Variants in ARMC8 observed in about 807,000 individuals in gnomAD.
ARMC8 encodes the protein armadillo repeat-containing protein 8.
Under a neutral mutation model 99.3 loss-of-function variants are expected in ARMC8, and 20 were observed. The observed-to-expected ratio is 0.20, with a 90% CI of 0.14 to 0.29. ARMC8 has a LOEUF of 0.29. ARMC8 is among the 10% of genes least tolerant of loss of function. The probability of loss-of-function intolerance (pLI) is 1.00; values close to 1 mark genes in which losing one functional copy is unlikely to be tolerated. For synonymous variants in ARMC8, 263 were observed against 278.3 expected (o/e 0.95, Z 0.55); for missense variants, 569 against 809.5 (o/e 0.70, Z 3.60).
chr3:138,223,830 TA>T (rs1559948556), intron 5 of ARMC8, 97 bp downstream of exon 5: 1 of 1,064,914 alleles, frequency 9.4e-7, no homozygotes, highest in South Asian at 1.3e-5. Flanking sequence ...CTGTGTTATG[TA>T]AAAAAGTCTC....
rs537593472 is a variant in ARMC8, at chr3:138,266,532, ATT to A, written c.1300-622_1300-621del. ...ATTTCCCTGCTACGGTACTTCCCTTATTATTCACTATATCACATTTAATCCTA... is the reference window on the plus strand; with the variant it reads ...ATTTCCCTGCTACGGTACTTCCCTTAATTCACTATATCACATTTAATCCTA... On this transcript the variant is annotated intron_variant, in intron 14 of 21. Transcript: ENST00000469044. Among the ~76,000 whole-genome samples the A allele has an allele frequency of 1.5e-3, 223 of 152,238 alleles. 1 individual carries two copies. Among genetic ancestry groups the A allele is most frequent in the African/African-American group, 5.1e-3 (210 of 41,540 alleles).
chr3:138,289,979 A>G (rs140570444), intron 20 of ARMC8, among the ~76,000 whole-genome samples: 2,007 of 152,296 alleles, frequency 0.013, 22 homozygotes, highest in South Asian at 0.023. Flanking sequence ...CCACAGACCT[A>G]GATACCACGT....
intron 19 of ARMC8, chr3:138,288,160 G>A (rs186834827): frequency 2.8e-3 from 426 of 153,696 alleles, no homozygotes; most frequent in Non-Finnish European, 4.8e-3. Context: ...TTTTCAGCAA[G>A]TTGTGTCAGA....
In ARMC8 at chr3:138,245,201, G is replaced by T; in HGVS notation, c.1134+18G>T. On this transcript the variant is annotated intron_variant, in intron 12 of 21. Transcript: ENST00000469044. ...GGAAGAAGGTGAGTCTGGGAGAGGGGCGTCCCCCAGTCCTGACAGCCAGCA... is the reference window on the plus strand; with the variant it reads ...GGAAGAAGGTGAGTCTGGGAGAGGGTCGTCCCCCAGTCCTGACAGCCAGCA... The T allele has an allele frequency of 6.2e-6, 10 of 1,614,216 alleles. No individual in the cohort carries two copies. Among genetic ancestry groups the T allele is most frequent in the Non-Finnish European group, 8.5e-6 (10 of 1,180,042 alleles).
chr3:138,222,330 T>C (rs2045449164), intron 3 of ARMC8, among the ~76,000 whole-genome samples: 1 of 152,184 alleles, frequency 6.6e-6, no homozygotes, highest in African/African-American at 2.4e-5. Context: ...GTTTTTTGTG[T>C]GAGTGGGTAA....
At chr3:138,283,703 A>G (rs2050144377) in intron 18 of ARMC8, among the ~76,000 whole-genome samples, 1 of 152,154 alleles carries the variant, frequency 6.6e-6, no homozygotes, top group Non-Finnish European at 1.5e-5. Flanking sequence ...TTGAGAATGG[A>G]ACAGCTGACA....
chr3:138,291,077 C>T (rs1378412678), intron 21 of ARMC8, among the ~76,000 whole-genome samples: 3 of 152,224 alleles, frequency 2.0e-5, no homozygotes, highest in Non-Finnish European at 4.4e-5. Context: ...TCAAAGAGCT[C>T]ATCATTTCCT....
intron 13 of ARMC8, 29 bp from the exon 14 acceptor site, chr3:138,264,102 G>C (rs368111389): frequency 4.2e-5 from 67 of 1,595,196 alleles, no homozygotes; most frequent in African/African-American, 5.4e-5. Flanking sequence ...TTGATTTCTT[G>C]TGAAGCTAAT....
intron 12 of ARMC8, chr3:138,245,875 C>T (rs2046857019): frequency 1.0e-6 from 1 of 985,370 alleles, no homozygotes; most frequent in Non-Finnish European, 1.2e-6. Flanking sequence ...AAAGCTGGAA[C>T]TTACCACTCA....
At chr3:138,245,373 G>A in intron 12 of ARMC8, 190 bp downstream of exon 12, 1 of 1,439,890 alleles carries the variant, frequency 6.9e-7, no homozygotes, top group Admixed American at 2.7e-5. Context: ...TTAGAACATA[G>A]AGTGGCATGG....
In ARMC8 at chr3:138,235,798, C is replaced by CTTTTTTTT. The variant is rs71146120; in HGVS notation, c.609+702_609+709dup. On this transcript the variant is annotated intron_variant, in intron 7 of 21. Coordinates refer to ENST00000469044, the MANE Select transcript of ARMC8 (RefSeq NM_001363941.2). ...AGTGACTCCATTCTGTCCTTTTAGTCTTTTTTTTTTTTTTTTTTTTTTTTT... is the reference window on the plus strand; with the variant it reads ...AGTGACTCCATTCTGTCCTTTTAGTCTTTTTTTTTTTTTTTTTTTTTTTTTTTTTTTTT... Among the ~76,000 whole-genome samples, 181 of 80,512 alleles carry CTTTTTTTT rather than the reference C, an allele frequency of 2.2e-3. 1 individual carries two copies. Among genetic ancestry groups the CTTTTTTTT allele is most frequent in the Non-Finnish European group, 2.8e-3 (123 of 43,250 alleles). 52.8% of individuals were successfully genotyped at this position (80,512 alleles called of 152,430 possible). A position where few individuals can be genotyped will look rare whatever the true frequency, so the allele number is the denominator to read the frequency against.
At chr3:138,240,930 A>T (rs1364258440) in intron 10 of ARMC8, among the ~76,000 whole-genome samples, 1 of 152,156 alleles carries the variant, frequency 6.6e-6, no homozygotes, top group African/African-American at 2.4e-5. Flanking sequence ...GGTGCCTGTA[A>T]TTCCAGCTAC....
At chr3:138,263,299 AGTAGCCACAGGGTGGCTCT>A (rs1264887528) in intron 12 of ARMC8, among the ~76,000 whole-genome samples, 12 of 152,264 alleles carry the variant, frequency 7.9e-5, no homozygotes, top group African/African-American at 2.9e-4. Context: ...TTGGTAAGAA[AGTAGCCACAGGGTGGCTCT>A]GTCCTAAGCC....
intron 1 of ARMC8, among the ~76,000 whole-genome samples, chr3:138,197,278 C>G (rs760660481): frequency 2.0e-5 from 3 of 152,142 alleles, no homozygotes; most frequent in Non-Finnish European, 4.4e-5. Flanking sequence ...AAATGATGGG[C>G]TGAGTCTGAG....
At chr3:138,241,690 C>G in intron 10 of ARMC8, 93 bp from the exon 11 acceptor site, 1 of 1,053,880 alleles carries the variant, frequency 9.5e-7, no homozygotes, top group East Asian at 2.5e-5. Flanking sequence ...ATAAACATTA[C>G]TCCTGATAAA....
intron 12 of ARMC8, among the ~76,000 whole-genome samples, chr3:138,255,544 T>C (rs1051499087): frequency 5.3e-5 from 8 of 152,096 alleles, no homozygotes; most frequent in Non-Finnish European, 1.0e-4. Context: ...TAGAAGAATT[T>C]GGTATGAATG....
rs1203622954 is a variant in ARMC8 at position 138,296,382 on chromosome 3, CTT to C, written c.*492_*493del. On this transcript the variant is annotated 3_prime_UTR_variant, in exon 22 of 22. Transcript: ENST00000469044. ...TAAGCATTGCTTGCTGTATAAAAAA[CTT>C]TACTGAATTATATACAGTTTGAATG... The C allele has an allele frequency of 6.6e-6, 1 of 152,262 alleles. No homozygotes were observed. The highest frequency in any genetic ancestry group is 1.5e-5 in the Non-Finnish European group (1 of 68,152). 9.4% of individuals were successfully genotyped at this position (152,262 alleles called of 1,614,324 possible).
intron 21 of ARMC8, among the ~76,000 whole-genome samples, chr3:138,293,887 G>T (rs964500246): frequency 7.2e-5 from 11 of 152,174 alleles, no homozygotes; most frequent in African/African-American, 2.4e-4. Flanking sequence ...GACCACTCTG[G>T]TGCTGTTTTC....
rs61298993 is a variant in ARMC8, at chr3:138,231,961, C to CTTTTTTTTTTTTTTTT, written c.528+2963_528+2978dup. Among the ~76,000 whole-genome samples, 3 of 58,630 alleles carry CTTTTTTTTTTTTTTTT rather than the reference C, an allele frequency of 5.1e-5. 1 individual carries two copies. Among genetic ancestry groups the CTTTTTTTTTTTTTTTT allele is most frequent in the African/African-American group, 2.5e-4 (3 of 12,162 alleles). 38.5% of individuals were successfully genotyped at this position (58,630 alleles called of 152,430 possible). On this transcript the variant is annotated intron_variant, in intron 6 of 21. Transcript: ENST00000469044. Reference sequence around the variant, plus strand: ...GCCACTAATTCTTTCCTTGCAATTGCTTTTTTTTTTTTTTTTTTTTTTTTT... The same window carrying CTTTTTTTTTTTTTTTT: ...GCCACTAATTCTTTCCTTGCAATTGCTTTTTTTTTTTTTTTTTTTTTTTTTTTTTTTTTTTTTTTTT...
Sources: gnomAD v4.1 joint callset for allele counts (sites outside exome capture counted in the v4.1 genomes callset) on GRCh38, gnomAD v4.1.1 for gene constraint, MANE v1.5 for transcripts, NCBI Gene and HGNC (gene_info 2026-07-23, HGNC 2026-07-21) for gene names.